The following ACSM2A variants were observed in gnomAD, a reference collection of about 807,000 sequenced individuals.
ACSM2A encodes acyl-coenzyme A synthetase ACSM2A, mitochondrial.
ACSM2A carries 72 observed loss-of-function variants against 76.6 expected under a neutral mutation model. The observed-to-expected ratio is 0.94, with a 90% CI of 0.78 to 1.14. ACSM2A has a LOEUF of 1.14. ACSM2A is among the 50% of genes most tolerant of loss of function. The pLI is 0.00. For missense variants in ACSM2A, 684 were observed against 708.5 expected (o/e 0.97, Z 0.39); for synonymous variants, 249 against 255.9 (o/e 0.97, Z 0.26).
intron 8 of ACSM2A, chr16:20,477,047 C>T (rs1700804): frequency 0.37 from 92,056 of 248,004 alleles, 19,616 homozygotes; most frequent in East Asian, 0.79. Context: ...TATTGGTGAT[C>T]CCATATAGTT....
intron 1 of ACSM2A, among the ~76,000 whole-genome samples, chr16:20,458,904 G>GCATATATATATATATATATATATATA (rs2012399645): frequency 7.3e-5 from 2 of 27,392 alleles, no homozygotes; most frequent in African/African-American, 2.9e-4. Flanking sequence ...ATATATATAT[G>GCATATATATATATATATATATATATA]CATATATATA....
At chr16:20,475,816 G>A (rs771329190) in intron 8 of ACSM2A, 43 bp downstream of exon 8, 8 of 1,602,764 alleles carry the variant, frequency 5.0e-6, no homozygotes, top group South Asian at 1.1e-5. Context: ...GCACTTTTTG[G>A]GCTTCAAAAT....
intron 1 of ACSM2A, among the ~76,000 whole-genome samples, chr16:20,458,239 A>C (rs1007084511): frequency 4.0e-5 from 6 of 150,526 alleles, no homozygotes; most frequent in Non-Finnish European, 4.4e-5. Flanking sequence ...CAAAAGCAAT[A>C]TACAAATTCA....
chr16:20,483,999 T>C (rs1693726922), intron 13 of ACSM2A, among the ~76,000 whole-genome samples: 1 of 151,238 alleles, frequency 6.6e-6, no homozygotes, highest in East Asian at 1.9e-4. Flanking sequence ...TCCAAACATA[T>C]ATTCTCAGCA....
Position 20,458,025 on chromosome 16 carries a change from A to G in ACSM2A, c.-8-2082A>G, listed in dbSNP as rs1391663886. ...GTAGCTCTGCCATACTTTAATAGCA[A>G]CCAAGCTGAGAATTAAATCAAGAAC... On this transcript the variant is annotated intron_variant, in intron 1 of 13. Transcript: ENST00000573854. Among the ~76,000 whole-genome samples, 18 of 152,102 alleles carry G rather than the reference A, an allele frequency of 1.2e-4. No individual in the cohort carries two copies. The East Asian group carries it at 3.3e-3, about 28-fold the overall frequency.
Position 20,478,778 on chromosome 16 carries a change from A to G in ACSM2A, c.1281+101A>G, listed in dbSNP as rs572774048. 765 of 1,429,920 alleles carry G rather than the reference A, an allele frequency of 5.3e-4. 5 individuals are homozygous for G. The highest frequency in any genetic ancestry group is 9.3e-5 in the Non-Finnish European group (99 of 1,064,040). The allele number at this position is 1,429,920 out of a possible 1,614,324, so 88.6% of individuals were successfully genotyped here. The stretch of plus-strand genomic sequence containing the variant: ...TTCTGAAACTTCCAAGAGGCACTAG[A>G]TGTGGAGACAAAGACTGTCCAGTTT... On this transcript the variant is annotated intron_variant, in intron 10 of 13. Transcript: ENST00000573854.
In ACSM2A at chr16:20,486,792, G is replaced by C; in HGVS notation, c.*114G>C. 4 of 1,322,514 alleles carry C rather than the reference G, an allele frequency of 3.0e-6. No homozygotes were observed. Among genetic ancestry groups the C allele is most frequent in the Non-Finnish European group, 4.2e-6 (4 of 945,630 alleles). The allele number at this position is 1,322,514 out of a possible 1,614,324, so 81.9% of individuals were successfully genotyped here. A position where few individuals can be genotyped will look rare whatever the true frequency, so the allele number is the denominator to read the frequency against. ...TCTTTATGGAAGAACATGAATATAA[G>C]TTTTGTCTTGCCTTGGTTATTAGCA... On this transcript the variant is annotated 3_prime_UTR_variant, in exon 14 of 14. Transcript: ENST00000573854.
intron 1 of ACSM2A, among the ~76,000 whole-genome samples, chr16:20,458,931 T>TGC (rs2012427663): frequency 1.8e-5 from 1 of 56,768 alleles, no homozygotes. Context: ...TATATATATA[T>TGC]ACATATATAT....
At chr16:20,477,686 T>A (rs934301284) in intron 9 of ACSM2A, among the ~76,000 whole-genome samples, 2 of 152,152 alleles carry the variant, frequency 1.3e-5, no homozygotes, top group Admixed American at 1.3e-4. Flanking sequence ...AGCTAGCAAA[T>A]TAGCTAGACA....
rs1254558554 is a variant in ACSM2A, at chr16:20,471,708, T to G, written c.894+19T>G. Reference sequence around the variant, plus strand: ...TCTAAAGGTAAGAGAGGATCCAGTTTGCAGCAGTTATTCAGAGTGAGCCCG... The same window carrying G: ...TCTAAAGGTAAGAGAGGATCCAGTTGGCAGCAGTTATTCAGAGTGAGCCCG... On this transcript the variant is annotated intron_variant, in intron 6 of 13. Transcript: ENST00000573854. The G allele has an allele frequency of 1.3e-6, 2 of 1,597,436 alleles. No homozygotes were observed. The highest frequency in any genetic ancestry group is 2.2e-5 in the East Asian group (1 of 44,640).
At chr16:20,466,451 A>C (rs2013002109) in intron 3 of ACSM2A, among the ~76,000 whole-genome samples, 1 of 152,126 alleles carries the variant, frequency 6.6e-6, no homozygotes, top group Admixed American at 6.5e-5. Flanking sequence ...CAGAAAAGCC[A>C]AACACTGAAA....
rs759527974 is a variant in ACSM2A, at chr16:20,471,598, A to G, written c.803A>G (p.Asn268Ser). ...ATATCAGACACAGGTTGGATACTGA[A>G]CATCTTGTGCTCACTTATGGAACCT... Reference protein sequence around the residue: ...WTISDTGWILNILCSLMEPWA... With the variant: ...WTISDTGWILSILCSLMEPWA... Residue 268 changes from asparagine to serine, a missense_variant, in exon 6 of 14, where the codon AAC (asparagine) becomes AGC (serine). Transcript: ENST00000573854. The G allele has an allele frequency of 9.9e-6, 16 of 1,614,068 alleles. No individual in the cohort carries two copies. The highest frequency in any genetic ancestry group is 1.4e-5 in the Non-Finnish European group (16 of 1,179,942).
At chr16:20,471,307 C>T (rs2013379062) in intron 5 of ACSM2A, 91 bp downstream of exon 5, 7 of 1,539,126 alleles carry the variant, frequency 4.5e-6, no homozygotes, top group African/African-American at 1.4e-5. Flanking sequence ...GTCAGGTCAA[C>T]CGGGGTCCCA....
rs1332672878 is a variant in ACSM2A, at chr16:20,483,263, T to C, written c.1629+86T>C. 2.6e-5 allele frequency: 41 copies of C among 1,557,652 alleles called. No homozygotes were observed. In the South Asian group the frequency reaches 2.8e-4, roughly 11 times the overall value. ...TTTATCTTCTTCAGGAGGAGGACAGTCCTCTAATTTTAAAAAGTCTTCCTG... is the reference window on the plus strand; with the variant it reads ...TTTATCTTCTTCAGGAGGAGGACAGCCCTCTAATTTTAAAAAGTCTTCCTG... On this transcript the variant is annotated intron_variant, in intron 13 of 13. Transcript: ENST00000573854.
chr16:20,466,096 A>G (rs2012979151), intron 3 of ACSM2A, among the ~76,000 whole-genome samples: 1 of 151,834 alleles, frequency 6.6e-6, no homozygotes, highest in African/African-American at 2.4e-5. Context: ...AATCCTGCCC[A>G]AAGCTTGTTT....
At chr16:20,459,067 T>C (rs2012440706) in intron 1 of ACSM2A, among the ~76,000 whole-genome samples, 1 of 151,384 alleles carries the variant, frequency 6.6e-6, no homozygotes, top group Non-Finnish European at 1.5e-5. Flanking sequence ...GCATCATATG[T>C]TCTCAGCCAT....
intron 3 of ACSM2A, among the ~76,000 whole-genome samples, chr16:20,466,244 A>T (rs769831523): frequency 4.9e-4 from 75 of 152,226 alleles, no homozygotes; most frequent in Admixed American, 2.7e-3. Flanking sequence ...TTGCAGAAAA[A>T]GTTTGCCAAT....
rs1250042281 is a variant in ACSM2A, at chr16:20,487,414, A to G, written c.*736A>G. The G allele has an allele frequency of 2.6e-5, 4 of 152,252 alleles. No homozygotes were observed. Among genetic ancestry groups the G allele is most frequent in the African/African-American group, 7.2e-5 (3 of 41,448 alleles). 9.4% of individuals were successfully genotyped at this position (152,252 alleles called of 1,614,324 possible). On this transcript the variant is annotated 3_prime_UTR_variant, in exon 14 of 14. Transcript: ENST00000573854. The stretch of plus-strand genomic sequence containing the variant: ...TGGGGTTGGGACATTAGAATCATCC[A>G]CAAGTCACCCCAAACCTTGGAACTG...
rs772516371 is a variant in ACSM2A, at chr16:20,486,597, C to T, written c.1653C>T (p.Pro551=). The change falls in exon 14 of 14, where the codon CCC becomes CCT. Residue 551 remains proline (P), a synonymous_variant. Transcript: ENST00000573854. The stretch of plus-strand genomic sequence containing the variant: ...AGATAGAGTTTGTCTTGAACCTGCC[C>T]AAGACTGTCACAGGGAAAATTCAAC... ...PRKIEFVLNL[P]KTVTGKIQRA... 6.2e-7 allele frequency: 1 copy of T among 1,614,142 alleles called. No homozygotes were observed. The highest frequency in any genetic ancestry group is 1.1e-5 in the South Asian group (1 of 91,076).
Sources: allele counts gnomAD v4.1 joint callset (sites outside exome capture counted in the v4.1 genomes callset), GRCh38; gene constraint gnomAD v4.1.1; transcripts MANE v1.5; gene names NCBI Gene and HGNC (gene_info 2026-07-23, HGNC 2026-07-21).